The following COX16 variants were observed in gnomAD, a reference collection of about 807,000 sequenced individuals.
COX16 encodes cytochrome c oxidase assembly protein COX16 homolog, mitochondrial.
Under a neutral mutation model 15.4 loss-of-function variants are expected in COX16, and 12 were observed. The ratio of observed to expected loss-of-function variants is 0.78; its 90% confidence interval spans 0.50 to 1.26. The LOEUF is 1.26. Ranked by LOEUF, COX16 falls within the 50% of genes most tolerant of loss-of-function variation. COX16 has a pLI of 0.00. For missense variants in COX16, 124 were observed against 127.6 expected (o/e 0.97, Z 0.14); for synonymous variants, 46 against 41.1 (o/e 1.12, Z -0.46).
At chr14:70,343,665 T>C (rs1211347194) in intron 1 of COX16, among the ~76,000 whole-genome samples, 1 of 152,258 alleles carries the variant, frequency 6.6e-6, no homozygotes, top group East Asian at 1.9e-4. Context: ...TCTTACTATA[T>C]AGTGAAATTC....
chr14:70,344,308 G>A (rs992776416), intron 1 of COX16, among the ~76,000 whole-genome samples: 2 of 152,228 alleles, frequency 1.3e-5, no homozygotes, highest in African/African-American at 4.8e-5. Context: ...AGGCAAGAAG[G>A]GAGTCTTTTT....
At chr14:70,350,165 C>T (rs1298505805) in intron 1 of COX16, among the ~76,000 whole-genome samples, 1 of 152,138 alleles carries the variant, frequency 6.6e-6, no homozygotes, top group Non-Finnish European at 1.5e-5. Flanking sequence ...CAGGCCCAGT[C>T]CCAAGGCTCA....
At position 70,342,858 on chromosome 14, in the gene COX16, G is replaced by A; in HGVS notation, c.70-129C>T. On this transcript the variant is annotated intron_variant, in intron 1 of 3. Coordinates refer to ENST00000389912, the MANE Select transcript of COX16 (RefSeq NM_016468.7). Reference sequence around the variant, plus strand: ...AAAAATTCTATAGATTATTTTTCCTGGTGAGTCACCATTCATCTTTTAGAG... The same window carrying A: ...AAAAATTCTATAGATTATTTTTCCTAGTGAGTCACCATTCATCTTTTAGAG... 3 of 925,520 alleles carry A rather than the reference G, an allele frequency of 3.2e-6. No homozygotes were observed. In the South Asian group the frequency reaches 5.3e-5, roughly 16 times the overall value. The allele number at this position is 925,520 out of a possible 1,614,324, so 57.3% of individuals were successfully genotyped here. A position where few individuals can be genotyped will look rare whatever the true frequency, so the allele number is the denominator to read the frequency against.
At chr14:70,344,757 G>A (rs942235148) in intron 1 of COX16, among the ~76,000 whole-genome samples, 2 of 152,188 alleles carry the variant, frequency 1.3e-5, no homozygotes, top group Non-Finnish European at 2.9e-5. Flanking sequence ...GTGTGCACCA[G>A]CAAGATAGCA....
rs1886619947 is a variant in COX16, at chr14:70,341,413, G to A, written c.141+1245C>T. ...TCTACTTTTCTATCAATATTACTGAGGTCTGCTAATAAAATACATATATTA... is the reference window on the plus strand; with the variant it reads ...TCTACTTTTCTATCAATATTACTGAAGTCTGCTAATAAAATACATATATTA... On this transcript the variant is annotated intron_variant, in intron 2 of 3. Coordinates refer to ENST00000389912, the MANE Select transcript of COX16 (RefSeq NM_016468.7). 2.0e-5 allele frequency among the ~76,000 whole-genome samples: 3 copies of A among 152,094 alleles called. No homozygotes were observed. The South Asian group carries it at 6.2e-4, about 32-fold the overall frequency.
At chr14:70,341,444 G>GA (rs1446422764) in intron 2 of COX16, among the ~76,000 whole-genome samples, 10 of 151,950 alleles carry the variant, frequency 6.6e-5, no homozygotes, top group African/African-American at 2.4e-4. Context: ...TATTACTTGA[G>GA]AAAAAAACTA....
chr14:70,331,530 A>T (rs1234788224), intron 2 of COX16, among the ~76,000 whole-genome samples: 1 of 152,210 alleles, frequency 6.6e-6, no homozygotes, highest in African/African-American at 2.4e-5. Context: ...ATAAAAAGTG[A>T]TTAACTTCAT....
In COX16 at chr14:70,345,141, G is replaced by A. The variant is rs373332010; in HGVS notation, c.70-2412C>T. On this transcript the variant is annotated intron_variant, in intron 1 of 3. Transcript: ENST00000389912. Reference sequence around the variant, plus strand: ...AGCAGCCAGACAAAGGAAGCTCCTCGATCTCCAGTTGCCTCTCTGTGCATG... The same window carrying A: ...AGCAGCCAGACAAAGGAAGCTCCTCAATCTCCAGTTGCCTCTCTGTGCATG... 3.9e-5 allele frequency among the ~76,000 whole-genome samples: 6 copies of A among 152,198 alleles called. No individual in the cohort carries two copies. The South Asian group carries it at 6.2e-4, about 16-fold the overall frequency.
intron 2 of COX16, among the ~76,000 whole-genome samples, chr14:70,335,603 T>A (rs1204898593): frequency 2.9e-5 from 4 of 136,802 alleles, no homozygotes; most frequent in African/African-American, 2.7e-5. Flanking sequence ...ACCAAAGAGT[T>A]AAAAAAAAAA....
intron 1 of COX16, among the ~76,000 whole-genome samples, chr14:70,350,327 C>T (rs1886912193): frequency 6.6e-6 from 1 of 152,206 alleles, no homozygotes; most frequent in Non-Finnish European, 1.5e-5. Flanking sequence ...TTACAGGAGA[C>T]TGTAAAACTT....
intron 2 of COX16, among the ~76,000 whole-genome samples, chr14:70,340,758 T>A (rs1376007292): frequency 1.3e-5 from 2 of 152,214 alleles, no homozygotes; most frequent in African/African-American, 4.8e-5. Context: ...ATGTGCCCAA[T>A]AATCCCTCTA....
chr14:70,342,572 C>T lies in COX16; in HGVS notation c.141+86G>A, dbSNP rs1049373350. The T allele has an allele frequency of 5.6e-6, 7 of 1,251,182 alleles. No individual in the cohort carries two copies. In the Admixed American group the frequency reaches 1.8e-4, roughly 32 times the overall value. 77.5% of individuals were successfully genotyped at this position (1,251,182 alleles called of 1,614,324 possible). On this transcript the variant is annotated intron_variant, in intron 2 of 3. Coordinates refer to ENST00000389912, the MANE Select transcript of COX16 (RefSeq NM_016468.7). The stretch of plus-strand genomic sequence containing the variant: ...TGTTGAAAAGCAAGACAAACTCAGA[C>T]TACTTAGTATACTGAGTATACAATT...
intron 1 of COX16, among the ~76,000 whole-genome samples, chr14:70,357,496 G>A (rs1442754431): frequency 4.6e-5 from 7 of 152,282 alleles, no homozygotes; most frequent in East Asian, 1.9e-4. Flanking sequence ...AGAGCCTCTC[G>A]ACAAAGACTG....
intron 1 of COX16, among the ~76,000 whole-genome samples, chr14:70,347,846 AG>A (rs1886828609): frequency 6.6e-6 from 1 of 152,236 alleles, no homozygotes; most frequent in South Asian, 2.1e-4. Flanking sequence ...TCCTAGGACT[AG>A]TGGGATATGT....
At position 70,325,655 on chromosome 14, in the gene COX16, T is replaced by TGACTAC. The variant is rs1886043427; in HGVS notation, c.*677_*678insGTAGTC. The TGACTAC allele has an allele frequency of 6.6e-6, 1 of 150,570 alleles. No individual in the cohort carries two copies. The highest frequency in any genetic ancestry group is 2.1e-4 in the South Asian group (1 of 4,692). 9.3% of individuals were successfully genotyped at this position (150,570 alleles called of 1,614,324 possible). A position where few individuals can be genotyped will look rare whatever the true frequency, so the allele number is the denominator to read the frequency against. ...GGCATAATTTTTAGTATTATCTTAG[T>TGACTAC]ATTTCTCAAAATGTAGTCATCTATG... On this transcript the variant is annotated 3_prime_UTR_variant, in exon 4 of 4. Coordinates refer to ENST00000389912, the MANE Select transcript of COX16 (RefSeq NM_016468.7).
intron 2 of COX16, among the ~76,000 whole-genome samples, chr14:70,341,167 T>C (rs1886612754): frequency 6.6e-6 from 1 of 152,204 alleles, no homozygotes; most frequent in Non-Finnish European, 1.5e-5. Flanking sequence ...ATAAAATAAT[T>C]GGGATGCTAA....
At chr14:70,334,717 A>G (rs1408720963) in intron 2 of COX16, among the ~76,000 whole-genome samples, 2 of 152,242 alleles carry the variant, frequency 1.3e-5, no homozygotes, top group Non-Finnish European at 2.9e-5. Context: ...CAGATACACT[A>G]AAAATAAAAA....
intron 1 of COX16, among the ~76,000 whole-genome samples, chr14:70,347,073 C>T (rs928792042): frequency 3.9e-5 from 6 of 152,040 alleles, no homozygotes; most frequent in African/African-American, 1.2e-4. Context: ...AAACACCACA[C>T]CCCCGTCCGC....
chr14:70,326,255 A>AT lies in COX16; in HGVS notation c.*77dup. 3 of 1,175,502 alleles carry AT rather than the reference A, an allele frequency of 2.6e-6. No individual in the cohort carries two copies. Among genetic ancestry groups the AT allele is most frequent in the Non-Finnish European group, 3.3e-6 (3 of 906,926 alleles). 72.8% of individuals were successfully genotyped at this position (1,175,502 alleles called of 1,614,324 possible). A position where few individuals can be genotyped will look rare whatever the true frequency, so the allele number is the denominator to read the frequency against. On this transcript the variant is annotated 3_prime_UTR_variant, in exon 4 of 4. Transcript: ENST00000389912. ...GGGCCTGGAATTTCCTTTCCACTTGATAGAAGTATATATTAGGAAGTCCAG... is the reference window on the plus strand; with the variant it reads ...GGGCCTGGAATTTCCTTTCCACTTGATTAGAAGTATATATTAGGAAGTCCAG...
Sources: allele counts gnomAD v4.1 joint callset (sites outside exome capture counted in the v4.1 genomes callset), GRCh38; gene constraint gnomAD v4.1.1; transcripts MANE v1.5; gene names NCBI Gene and HGNC (gene_info 2026-07-23, HGNC 2026-07-21).